Variants in INO80 observed in about 807,000 individuals in gnomAD.
INO80 encodes INO80 complex ATPase subunit, also known as chromatin-remodeling ATPase INO80.
A neutral mutation model predicts 203.4 loss-of-function variants in INO80; 20 were observed. The observed-to-expected ratio is 0.10, with a 90% CI of 0.07 to 0.14. The LOEUF is 0.14. Ranked by LOEUF, INO80 falls within the 10% of genes least tolerant of loss-of-function variation. The pLI is 1.00. For synonymous variants in INO80, 726 were observed against 685.2 expected (o/e 1.06, Z -0.93); for missense variants, 1,419 against 1,914.4 (o/e 0.74, Z 4.83).
chr15:41,050,435 CCACT>C (rs2044850078), intron 19 of INO80, among the ~76,000 whole-genome samples: 1 of 152,196 alleles, frequency 6.6e-6, no homozygotes, highest in South Asian at 2.1e-4. Flanking sequence ...TCTAAGAGTA[CCACT>C]CAGTCTGCAG....
At chr15:41,007,770 A>AAC (rs1223934488) in intron 27 of INO80, among the ~76,000 whole-genome samples, 1 of 151,564 alleles carries the variant, frequency 6.6e-6, no homozygotes, top group Non-Finnish European at 1.5e-5. Flanking sequence ...AGCTTCAAAA[A>AAC]AAAAAAAAAC....
At chr15:41,084,426 G>A (rs1034619676) in intron 7 of INO80, among the ~76,000 whole-genome samples, 2 of 152,084 alleles carry the variant, frequency 1.3e-5, no homozygotes, top group Non-Finnish European at 2.9e-5. Context: ...GGGCATGGTG[G>A]CATCTGCCTG....
intron 19 of INO80, among the ~76,000 whole-genome samples, chr15:41,052,632 C>A (rs1385024522): frequency 6.9e-6 from 1 of 145,944 alleles, no homozygotes; most frequent in South Asian, 2.1e-4. Context: ...GTGATTGCAC[C>A]ACTGCATTCC....
At chr15:41,017,205 C>A (rs1466601176) in intron 26 of INO80, 1 of 150,128 alleles carries the variant, frequency 6.7e-6, no homozygotes, top group Non-Finnish European at 1.5e-5. Flanking sequence ...AGCAACAGAT[C>A]TTTAAAGAAC....
At chr15:41,115,713 C>T (rs1272318018) in intron 1 of INO80, among the ~76,000 whole-genome samples, 1 of 152,216 alleles carries the variant, frequency 6.6e-6, no homozygotes, top group Non-Finnish European at 1.5e-5. Flanking sequence ...GGGCGCCCCA[C>T]GGGCTTCCTC....
At chr15:41,091,686 C>T (rs192336296) in intron 5 of INO80, among the ~76,000 whole-genome samples, 2,841 of 134,674 alleles carry the variant, frequency 0.021, 47 homozygotes, top group Non-Finnish European at 0.032. Context: ...GACAGAGTCT[C>T]GCTCTGTCGC....
Position 40,979,573 on chromosome 15 carries a change from T to G in INO80, c.*650A>C, listed in dbSNP as rs958159054. ...GAAGGTGCTACGGTTGCTGGTAGGA[T>G]CTGAAGGTTCTCTTGGTGTGAACCA... On this transcript the variant is annotated 3_prime_UTR_variant, in exon 36 of 36. Coordinates refer to ENST00000648947, the MANE Select transcript of INO80 (RefSeq NM_017553.3). 2 of 153,628 alleles carry G rather than the reference T, an allele frequency of 1.3e-5. No homozygotes were observed. Among genetic ancestry groups the G allele is most frequent in the African/African-American group, 4.8e-5 (2 of 41,428 alleles). The allele number at this position is 153,628 out of a possible 1,614,324, so 9.5% of individuals were successfully genotyped here. A position where few individuals can be genotyped will look rare whatever the true frequency, so the allele number is the denominator to read the frequency against.
intron 26 of INO80, chr15:41,018,448 A>G (rs1044244132): frequency 6.6e-6 from 1 of 152,248 alleles, no homozygotes; most frequent in African/African-American, 2.4e-5. Flanking sequence ...TAACATGACT[A>G]AAGGAGGCAA....
At chr15:41,029,100 T>C (rs994168892) in intron 24 of INO80, among the ~76,000 whole-genome samples, 1 of 152,258 alleles carries the variant, frequency 6.6e-6, no homozygotes, top group Non-Finnish European at 1.5e-5. Flanking sequence ...AATAACCATG[T>C]AGATGAAGAT....
intron 23 of INO80, among the ~76,000 whole-genome samples, chr15:41,046,863 C>A (rs924446986): frequency 6.6e-6 from 1 of 152,052 alleles, no homozygotes; most frequent in Non-Finnish European, 1.5e-5. Context: ...AGTGATCCAC[C>A]CACCTTGGCC....
At chr15:40,982,420 A>C (rs1226861698) in intron 35 of INO80, among the ~76,000 whole-genome samples, 2 of 152,122 alleles carry the variant, frequency 1.3e-5, no homozygotes. Context: ...AAGTGTTGGG[A>C]TTACAGGTGT....
intron 27 of INO80, 111 bp downstream of exon 27, chr15:41,015,976 CA>C: frequency 1.3e-6 from 1 of 748,560 alleles, no homozygotes; most frequent in Non-Finnish European, 2.1e-6. Context: ...AGAAAAAAGA[CA>C]AAAGGGAGTT....
At chr15:41,103,398 A>G (rs1834005474) in intron 1 of INO80, among the ~76,000 whole-genome samples, 1 of 151,764 alleles carries the variant, frequency 6.6e-6, no homozygotes, top group Non-Finnish European at 1.5e-5. Context: ...TTCTTGTTTT[A>G]TATTTTTTTG....
rs1246875740 is a variant in INO80 at position 41,072,068 on chromosome 15, A to T, written c.1396-10T>A. The T allele has an allele frequency of 6.0e-4, 182 of 304,440 alleles. No individual in the cohort carries two copies. The highest frequency in any genetic ancestry group is 1.2e-3 in the Middle Eastern group (1 of 840). 18.9% of individuals were successfully genotyped at this position (304,440 alleles called of 1,614,324 possible). A position where few individuals can be genotyped will look rare whatever the true frequency, so the allele number is the denominator to read the frequency against. On this transcript the variant is annotated splice_polypyrimidine_tract_variant and intron_variant, in intron 11 of 35. Coordinates refer to ENST00000648947, the MANE Select transcript of INO80 (RefSeq NM_017553.3). ...CATCAAATGACCTTGTCTGGAAAGT[A>T]AAAAAAAAAAAAATTAGAAAAAAAA...
intron 35 of INO80, among the ~76,000 whole-genome samples, chr15:40,982,015 C>G (rs1264231759): frequency 6.6e-6 from 1 of 152,232 alleles, no homozygotes; most frequent in Non-Finnish European, 1.5e-5. Context: ...TCCTGACCTA[C>G]AACTGCTGTG....
At chr15:41,093,104 T>C (rs1359440716) in intron 4 of INO80, among the ~76,000 whole-genome samples, 2 of 152,016 alleles carry the variant, frequency 1.3e-5, no homozygotes, top group Admixed American at 1.3e-4. Context: ...GATTAGTCGC[T>C]GCCAAAGGAC....
intron 24 of INO80, among the ~76,000 whole-genome samples, chr15:41,044,574 A>G (rs1356288673): frequency 6.6e-6 from 1 of 152,210 alleles, no homozygotes; most frequent in Non-Finnish European, 1.5e-5. Context: ...TACTAAACGG[A>G]AAGGAGCATG....
At chr15:40,999,687 A>C (rs997094963) in intron 28 of INO80, among the ~76,000 whole-genome samples, 36 of 152,336 alleles carry the variant, frequency 2.4e-4, no homozygotes, top group African/African-American at 8.4e-4. Context: ...TAAACCAAAA[A>C]GTTGAAGGGC....
intron 16 of INO80, among the ~76,000 whole-genome samples, chr15:41,057,602 G>A (rs2045011821): frequency 6.6e-6 from 1 of 151,814 alleles, no homozygotes; most frequent in East Asian, 1.9e-4. Context: ...TTCGAGACAA[G>A]CCTGGCCACC....
Sources: allele counts gnomAD v4.1 joint callset (sites outside exome capture counted in the v4.1 genomes callset), GRCh38; gene constraint gnomAD v4.1.1; transcripts MANE v1.5; gene names NCBI Gene and HGNC (gene_info 2026-07-23, HGNC 2026-07-21).